The following NEURL1 variants were observed in gnomAD, a reference collection of about 807,000 sequenced individuals.
NEURL1 encodes the protein neuralized E3 ubiquitin protein ligase 1.
A neutral mutation model predicts 41.2 loss-of-function variants in NEURL1; 26 were observed. The ratio of observed to expected loss-of-function variants is 0.63; its 90% CI spans 0.46 to 0.87. The LOEUF (loss-of-function observed/expected upper bound fraction) is 0.87, where lower values mean the gene tolerates loss of function less well. NEURL1 is among the 40% of genes least tolerant of loss of function. The pLI, the probability that NEURL1 is intolerant of heterozygous loss-of-function variation, is 0.00. For missense variants in NEURL1, 761 were observed against 871.1 expected (o/e 0.87, Z 1.59); for synonymous variants, 400 against 402.3 (o/e 0.99, Z 0.07).
intron 1 of NEURL1, among the ~76,000 whole-genome samples, chr10:103,537,755 A>G (rs1472716651): frequency 6.6e-6 from 1 of 152,226 alleles, no homozygotes; most frequent in Non-Finnish European, 1.5e-5. Flanking sequence ...ACAAAAATAT[A>G]CTGCACATAT....
chr10:103,546,370 CT>C (rs1441336127), intron 1 of NEURL1, among the ~76,000 whole-genome samples: 1 of 152,230 alleles, frequency 6.6e-6, no homozygotes, highest in Non-Finnish European at 1.5e-5. Flanking sequence ...CCTTGAGCCT[CT>C]GTTTTTCTCT....
At chr10:103,535,529 GC>G (rs2034673678) in intron 1 of NEURL1, among the ~76,000 whole-genome samples, 2 of 152,286 alleles carry the variant, frequency 1.3e-5, no homozygotes, top group Admixed American at 1.3e-4. Flanking sequence ...TCCCTGAGAT[GC>G]AGAGCACCAC....
intron 1 of NEURL1, among the ~76,000 whole-genome samples, chr10:103,520,493 C>T (rs1266367298): frequency 1.3e-5 from 2 of 152,108 alleles, no homozygotes; most frequent in Non-Finnish European, 2.9e-5. Context: ...GGGGCAGGAA[C>T]AAATCACAAT....
At chr10:103,503,613 A>C (rs2033874492) in intron 1 of NEURL1, among the ~76,000 whole-genome samples, 1 of 152,024 alleles carries the variant, frequency 6.6e-6, no homozygotes, top group Non-Finnish European at 1.5e-5. Context: ...TGGGCTAGAC[A>C]CCTTCCTGGG....
Position 103,494,486 on chromosome 10 carries a change from C to T in NEURL1, c.85+14C>T. 6.5e-7 allele frequency: 1 copy of T among 1,540,108 alleles called. No individual in the cohort carries two copies. Among genetic ancestry groups the T allele is most frequent in the East Asian group, 2.6e-5 (1 of 39,042 alleles). On this transcript the variant is annotated intron_variant, in intron 1 of 5. Coordinates refer to ENST00000369780, the MANE Select transcript of NEURL1 (RefSeq NM_004210.5). ...AGAACCTCAAAGGTAGGCTCCCCGG[C>T]CGAGCGCTGCTGGAGGACTGGGGCG...
At chr10:103,533,826 G>A (rs911184057) in intron 1 of NEURL1, among the ~76,000 whole-genome samples, 19 of 152,110 alleles carry the variant, frequency 1.2e-4, no homozygotes, top group Admixed American at 5.9e-4. Flanking sequence ...TTGAGCCACC[G>A]CTCCCGGCCT....
intron 1 of NEURL1, chr10:103,555,269 C>G (rs2035124089): frequency 9.0e-7 from 1 of 1,114,258 alleles, no homozygotes; most frequent in African/African-American, 1.7e-5. Context: ...CCATGCCGGT[C>G]TCCGCCCGCG....
chr10:103,500,087 G>A (rs903686597), intron 1 of NEURL1, among the ~76,000 whole-genome samples: 1 of 152,150 alleles, frequency 6.6e-6, no homozygotes, highest in African/African-American at 2.4e-5. Context: ...ACGGATCTAG[G>A]GGGTGCCTGG....
At chr10:103,578,166 C>T (rs552461216) in intron 3 of NEURL1, among the ~76,000 whole-genome samples, 2 of 152,056 alleles carry the variant, frequency 1.3e-5, no homozygotes, top group East Asian at 3.9e-4. Flanking sequence ...TGTGCTTCAG[C>T]CTCCTCATTA....
In NEURL1 at chr10:103,509,331, T is replaced by A. The variant is rs147142818; in HGVS notation, c.85+14859T>A. 5.3e-5 allele frequency among the ~76,000 whole-genome samples: 8 copies of A among 152,082 alleles called. No individual in the cohort carries two copies. In the East Asian group the frequency reaches 1.5e-3, roughly 29 times the overall value. ...AGAATTGTGTTGTTAGGCGATTTCGTCATAGGGGAACAGCACAGAGTGCAC... is the reference window on the plus strand; with the variant it reads ...AGAATTGTGTTGTTAGGCGATTTCGACATAGGGGAACAGCACAGAGTGCAC... On this transcript the variant is annotated intron_variant, in intron 1 of 5. Coordinates refer to ENST00000369780, the MANE Select transcript of NEURL1 (RefSeq NM_004210.5).
At chr10:103,588,942 GAA>G (rs35294224) in intron 4 of NEURL1, 147,895 of 309,068 alleles carry the variant, frequency 0.48, 21,947 homozygotes, top group Admixed American at 0.53. Flanking sequence ...GACTCCGTCT[GAA>G]AAAAAAAAAA....
intron 3 of NEURL1, 138 bp from the exon 4 acceptor site, chr10:103,584,398 T>G: frequency 4.2e-5 from 20 of 470,830 alleles, no homozygotes; most frequent in East Asian, 7.5e-5. Context: ...CTGTGTTCGC[T>G]AATTTATGTC....
At chr10:103,525,241 A>G (rs2034435841) in intron 1 of NEURL1, among the ~76,000 whole-genome samples, 1 of 151,622 alleles carries the variant, frequency 6.6e-6, no homozygotes, top group Non-Finnish European at 1.5e-5. Context: ...TTGTTGGTGT[A>G]TAGAAATGCT....
intron 1 of NEURL1, among the ~76,000 whole-genome samples, chr10:103,554,817 C>G (rs187965773): frequency 6.6e-6 from 1 of 152,190 alleles, no homozygotes; most frequent in Admixed American, 6.5e-5. Context: ...AGGGCAGGGA[C>G]GATGTCTGTT....
intron 1 of NEURL1, among the ~76,000 whole-genome samples, chr10:103,533,825 C>G (rs565107436): frequency 6.6e-6 from 1 of 152,032 alleles, no homozygotes; most frequent in Admixed American, 6.6e-5. Flanking sequence ...CTTGAGCCAC[C>G]GCTCCCGGCC....
chr10:103,515,993 C>T (rs11813481), intron 1 of NEURL1, among the ~76,000 whole-genome samples: 38,548 of 151,840 alleles, frequency 0.25, 5,029 homozygotes, highest in East Asian at 0.29. Flanking sequence ...TTTGGGAGGC[C>T]AAGGCAGGTG....
chr10:103,525,933 T>C (rs556958277), intron 1 of NEURL1, among the ~76,000 whole-genome samples: 77 of 152,350 alleles, frequency 5.1e-4, no homozygotes, highest in African/African-American at 1.8e-3. Flanking sequence ...TATACCTAAC[T>C]TGTTGAGAGT....
At chr10:103,503,783 C>T (rs981527547) in intron 1 of NEURL1, among the ~76,000 whole-genome samples, 2 of 132,634 alleles carry the variant, frequency 1.5e-5, no homozygotes, top group Non-Finnish European at 3.1e-5. Flanking sequence ...CTGTGCTCCC[C>T]CTGGCTTTTT....
At chr10:103,586,124 G>A (rs2035919185) in intron 4 of NEURL1, among the ~76,000 whole-genome samples, 2 of 152,084 alleles carry the variant, frequency 1.3e-5, no homozygotes, top group Non-Finnish European at 2.9e-5. Context: ...ATTGAGTTAA[G>A]AAAAGAAGGG....
Sources: gnomAD v4.1 joint callset for allele counts (sites outside exome capture counted in the v4.1 genomes callset) on GRCh38, gnomAD v4.1.1 for gene constraint, MANE v1.5 for transcripts, NCBI Gene and HGNC (gene_info 2026-07-23, HGNC 2026-07-21) for gene names.